PRKAA1: variants seen among roughly 807,000 people sequenced by gnomAD.
The protein encoded by PRKAA1 is 5'-AMP-activated protein kinase catalytic subunit alpha-1.
PRKAA1 carries 23 observed loss-of-function variants against 56.9 expected under a neutral mutation model. The ratio of observed to expected loss-of-function variants is 0.40; its 90% CI spans 0.29 to 0.57. The LOEUF (loss-of-function observed/expected upper bound fraction) is 0.57. PRKAA1 is among the 20% of genes least tolerant of loss of function. The pLI is 0.39. For missense variants in PRKAA1, 413 were observed against 679.7 expected (o/e 0.61, Z 4.36); for synonymous variants, 226 against 227.0 (o/e 1.00, Z 0.04).
At chr5:40,793,660 G>A (rs1341673044) in intron 1 of PRKAA1, among the ~76,000 whole-genome samples, 1 of 151,992 alleles carries the variant, frequency 6.6e-6, no homozygotes, top group African/African-American at 2.4e-5. Context: ...CATAATTAAG[G>A]CTGTTGGTGT....
chr5:40,781,620 TAAAC>T (rs1188493948), intron 1 of PRKAA1, among the ~76,000 whole-genome samples: 1 of 151,922 alleles, frequency 6.6e-6, no homozygotes, highest in Non-Finnish European at 1.5e-5. Flanking sequence ...GTAAAAAAAT[TAAAC>T]AAATGAAAAA....
chr5:40,776,591 A>C (rs999025082), intron 2 of PRKAA1, among the ~76,000 whole-genome samples: 1 of 152,250 alleles, frequency 6.6e-6, no homozygotes, highest in Non-Finnish European at 1.5e-5. Flanking sequence ...AGAAAAACCT[A>C]AGCATCTTTA....
At chr5:40,775,151 T>A (rs964584661) in intron 3 of PRKAA1, among the ~76,000 whole-genome samples, 3 of 152,236 alleles carry the variant, frequency 2.0e-5, no homozygotes, top group African/African-American at 4.8e-5. Context: ...CTCAAGCCAA[T>A]TCCGTCATTA....
In PRKAA1 at chr5:40,767,606, A is replaced by C. The variant is rs776067836; in HGVS notation, c.681T>G (p.Asp227Glu). The C allele has an allele frequency of 6.2e-7, 1 of 1,613,582 alleles. No individual in the cohort carries two copies. The highest frequency in any genetic ancestry group is 1.3e-5 in the African/African-American group (1 of 74,924). The change falls in exon 6 of 9, where the codon GAT (aspartate) becomes GAG (glutamate). Residue 227 changes from aspartate to glutamate, a missense_variant. This residue lies in a region of PRKAA1 where 113 missense variants were observed against 198.6 expected (regional missense o/e 0.57). Coordinates refer to ENST00000397128, the MANE Select transcript of PRKAA1 (RefSeq NM_006251.6). ...ALLCGTLPFD[D>E]DHVPTLFKKI... Reference sequence around the variant, plus strand: ...TCTTAAAAAGAGTTGGCACATGGTCATCATCAAATGGAAGGGTTCCACATA... The same window carrying C: ...TCTTAAAAAGAGTTGGCACATGGTCCTCATCAAATGGAAGGGTTCCACATA...
In PRKAA1 at chr5:40,759,442, T is replaced by G. The variant is rs1048034396; in HGVS notation, c.*3336A>C. The G allele has an allele frequency of 6.6e-6, 1 of 152,288 alleles. No individual in the cohort carries two copies. The highest frequency in any genetic ancestry group is 1.5e-5 in the Non-Finnish European group (1 of 68,036). 9.4% of individuals were successfully genotyped at this position (152,288 alleles called of 1,614,324 possible). A position where few individuals can be genotyped will look rare whatever the true frequency, so the allele number is the denominator to read the frequency against. On this transcript the variant is annotated 3_prime_UTR_variant, in exon 9 of 9. Transcript: ENST00000397128. ...ATTTCTAAATCAAGGAAGCTGAAAT[T>G]ATATACTTAAATATACTCTGGTCAA...
chr5:40,763,517 T>A (rs1743289166), intron 8 of PRKAA1, among the ~76,000 whole-genome samples: 1 of 152,196 alleles, frequency 6.6e-6, no homozygotes, highest in African/African-American at 2.4e-5. Context: ...CTCAGCTCAG[T>A]GCTTTTTACT....
chr5:40,788,472 T>C (rs154284), intron 1 of PRKAA1, among the ~76,000 whole-genome samples: 105,725 of 152,050 alleles, frequency 0.7, 36,808 homozygotes, highest in East Asian at 0.8. Flanking sequence ...TTGTATATGA[T>C]CCCCTAATGC....
chr5:40,798,180 G>A lies in PRKAA1; in HGVS notation c.10C>T (p.Leu4Phe). The stretch of plus-strand genomic sequence containing the variant: ...GTCGCCATCTTTCTCCAGGAACTGA[G>A]TCTGCGCATGGCGCTGCGGGAGGGG... MRRLSSWRKMATAE... is the reference protein window; with the variant it reads MRRFSSWRKMATAE... The change falls in exon 1 of 9, where the codon CTC becomes TTC. Residue 4 changes from leucine (L) to phenylalanine (F), a missense_variant. Leu to Phe is a conservative substitution (Grantham distance 22, BLOSUM62 0). Transcript: ENST00000397128. The A allele has an allele frequency of 1.3e-6, 2 of 1,558,748 alleles. No homozygotes were observed. The highest frequency in any genetic ancestry group is 1.7e-6 in the Non-Finnish European group (2 of 1,149,702).
rs1743200324 is a variant in PRKAA1, at chr5:40,761,796, C to T, written c.*982G>A. ...TATGATTTATCTACAGTATATGCAA[C>T]TCAGCTCTTGTAACAAAAAGAACAT... is the stretch of plus-strand genomic sequence containing the variant. On this transcript the variant is annotated 3_prime_UTR_variant, in exon 9 of 9. Coordinates refer to ENST00000397128, the MANE Select transcript of PRKAA1 (RefSeq NM_006251.6). The T allele has an allele frequency of 6.6e-6, 1 of 152,302 alleles. No individual in the cohort carries two copies. The allele number at this position is 152,302 out of a possible 1,614,324, so 9.4% of individuals were successfully genotyped here.
intron 1 of PRKAA1, among the ~76,000 whole-genome samples, chr5:40,787,099 A>T (rs1013181321): frequency 6.6e-6 from 1 of 152,108 alleles, no homozygotes; most frequent in Non-Finnish European, 1.5e-5. Context: ...CCCAAAACAC[A>T]CTAATACTGT....
intron 1 of PRKAA1, among the ~76,000 whole-genome samples, chr5:40,778,681 T>C (rs1744128607): frequency 6.6e-6 from 1 of 151,974 alleles, no homozygotes; most frequent in South Asian, 2.1e-4. Context: ...CATTTCCCCA[T>C]CCATAACCTC....
chr5:40,791,372 G>A (rs1476173030), intron 1 of PRKAA1, among the ~76,000 whole-genome samples: 2 of 152,190 alleles, frequency 1.3e-5, no homozygotes, highest in Non-Finnish European at 2.9e-5. Context: ...ATTACTCAGA[G>A]CAAATATTAC....
intron 1 of PRKAA1, among the ~76,000 whole-genome samples, chr5:40,782,171 CCTGAACT>C (rs1194727717): frequency 2.3e-4 from 35 of 152,084 alleles, no homozygotes; most frequent in Admixed American, 2.2e-3. Context: ...CCAATTTGGG[CCTGAACT>C]CCCAAACCAT....
chr5:40,787,897 G>A (rs1022715575), intron 1 of PRKAA1, among the ~76,000 whole-genome samples: 1 of 152,086 alleles, frequency 6.6e-6, no homozygotes, highest in East Asian at 1.9e-4. Flanking sequence ...CAGGCATAGA[G>A]TGGCTAAATG....
intron 1 of PRKAA1, among the ~76,000 whole-genome samples, chr5:40,791,782 C>T (rs13361707): frequency 0.31 from 47,732 of 152,020 alleles, 7,726 homozygotes; most frequent in East Asian, 0.56. Context: ...CATGAGCCAC[C>T]ATCAGCTTAA....
In PRKAA1 at chr5:40,767,350, T is replaced by C. The variant is rs577389655; in HGVS notation, c.821+116A>G. 2.0e-4 allele frequency: 167 copies of C among 823,948 alleles called. 1 individual carries two copies. In the East Asian group the frequency reaches 4.3e-3, roughly 21 times the overall value. 51.0% of individuals were successfully genotyped at this position (823,948 alleles called of 1,614,324 possible). A position where few individuals can be genotyped will look rare whatever the true frequency, so the allele number is the denominator to read the frequency against. On this transcript the variant is annotated intron_variant, in intron 6 of 8. Coordinates refer to ENST00000397128, the MANE Select transcript of PRKAA1 (RefSeq NM_006251.6). ...AAATAAATGTGTCTATACACTCTAT[T>C]TTTTTCACATAAAAACAGGATTACA... is the stretch of plus-strand genomic sequence containing the variant.
chr5:40,789,659 A>G (rs1281082739), intron 1 of PRKAA1, among the ~76,000 whole-genome samples: 1 of 152,180 alleles, frequency 6.6e-6, no homozygotes, highest in African/African-American at 2.4e-5. Context: ...AAAGGAAGAT[A>G]TTGGTCAATG....
chr5:40,767,842 G>C, intron 5 of PRKAA1, 152 bp from the exon 6 acceptor site: 1 of 667,410 alleles, frequency 1.5e-6, no homozygotes, highest in South Asian at 2.2e-5. Context: ...AATTCCATCA[G>C]TATTATCTTT....
At chr5:40,775,088 A>C (rs531770363) in intron 3 of PRKAA1, 2 of 851,588 alleles carry the variant, frequency 2.3e-6, no homozygotes, top group Admixed American at 4.6e-5. Flanking sequence ...ATACATATTC[A>C]AAGTATTTGT....
Sources: gnomAD v4.1 joint callset for allele counts (sites outside exome capture counted in the v4.1 genomes callset) on GRCh38, gnomAD v4.1.1 for gene constraint, gnomAD v4.1.1 regional missense constraint, MANE v1.5 for transcripts, NCBI Gene and HGNC (gene_info 2026-07-23, HGNC 2026-07-21) for gene names.